INTS6: variants seen among roughly 807,000 people sequenced by gnomAD.
The protein encoded by INTS6 is integrator complex subunit 6, also known as DEAD box protein.
A neutral mutation model predicts 104.9 loss-of-function variants in INTS6; 16 were observed. That is an observed-to-expected ratio of 0.15 (90% CI 0.10 to 0.23). The LOEUF (loss-of-function observed/expected upper bound fraction) is 0.23. Ranked by LOEUF, INTS6 falls within the 10% of genes least tolerant of loss-of-function variation. The probability of loss-of-function intolerance (pLI) is 1.00; values close to 1 mark genes in which losing one functional copy is unlikely to be tolerated. For synonymous variants in INTS6, 324 were observed against 358.7 expected, an observed-to-expected ratio of 0.90 and a Z score of 1.09; for missense variants, 584 against 1,062.8, an observed-to-expected ratio of 0.55 and a Z score of 6.26.
chr13:51,450,719 G>A, intron 3 of INTS6: 1 of 1,024,314 alleles, frequency 9.8e-7, no homozygotes. Flanking sequence ...TGAGTGTGGT[G>A]TGGTAGGATG....
chr13:51,452,706 A>C lies in INTS6; in HGVS notation c.-181T>G. On this transcript the variant is annotated 5_prime_UTR_variant, in exon 1 of 18. Transcript: ENST00000311234. This position sits in a 1 kb window ranked among gnomAD's most constrained non-coding sequence, Gnocchi z 4.2. ...TTTCTCCCCCGATAGTTGAGAGGAA[A>C]CTCCCCAGACCCAGTGCTCCCCGTC... 1.6e-5 allele frequency: 21 copies of C among 1,322,108 alleles called. No homozygotes were observed. The highest frequency in any genetic ancestry group is 3.6e-5 in the East Asian group (1 of 27,958). 81.9% of individuals were successfully genotyped at this position (1,322,108 alleles called of 1,614,324 possible).
rs1955735051 is a variant in INTS6 at position 51,368,419 on chromosome 13, T to TGA, written c.2476+518_2476+519dup. Among the ~76,000 whole-genome samples the TGA allele has an allele frequency of 2.6e-5, 4 of 152,190 alleles. No homozygotes were observed. The East Asian group carries it at 7.7e-4, about 29-fold the overall frequency. On this transcript the variant is annotated intron_variant, in intron 16 of 17. Transcript: ENST00000311234. The stretch of plus-strand genomic sequence containing the variant: ...GGTCATTCTACTACCCCAGGGCAAG[T>TGA]GATCTGTTAACATCCTCTAAATGAA...
intron 17 of INTS6, among the ~76,000 whole-genome samples, chr13:51,366,116 C>T (rs546889543): frequency 6.6e-6 from 1 of 151,674 alleles, no homozygotes; most frequent in Non-Finnish European, 1.5e-5. Flanking sequence ...AAGGAAAAAA[C>T]AAACAAAAAA....
Position 51,355,289 on chromosome 13 carries a change from T to C in INTS6, n.431-953A>G, listed in dbSNP as rs139032125. On this transcript the variant is annotated intron_variant and non_coding_transcript_variant, in intron 3 of 3. Coordinates refer to the INTS6 transcript ENST00000476666. ...GTTTTATATAAGAATGTGTTGCTTC[T>C]AATAACAGTCAAATTTGGGTTAGAT... 400 of 576,960 alleles carry C rather than the reference T, an allele frequency of 6.9e-4. 2 individuals are homozygous for C. Among genetic ancestry groups the C allele is most frequent in the South Asian group, 2.0e-3 (87 of 42,902 alleles). The allele number at this position is 576,960 out of a possible 1,614,324, so 35.7% of individuals were successfully genotyped here.
the INTS6 span, among the ~76,000 whole-genome samples, chr13:51,336,697 T>C: frequency 0.012 from 1,794 of 152,258 alleles, 60 homozygotes; most frequent in East Asian, 0.069. Context: ...TCAGGCACCA[T>C]GATAAGGCTG....
intron 4 of INTS6, among the ~76,000 whole-genome samples, chr13:51,403,583 A>AAAAAAAAAAAG (rs61204660): frequency 0.44 from 46,054 of 104,986 alleles, 10,860 homozygotes; most frequent in East Asian, 0.51. Flanking sequence ...CTCCATTTCA[A>AAAAAAAAAAAG]AAAAAAAAAA....
At chr13:51,415,795 C>T (rs1956777449) in intron 4 of INTS6, among the ~76,000 whole-genome samples, 1 of 152,184 alleles carries the variant, frequency 6.6e-6, no homozygotes, top group Non-Finnish European at 1.5e-5. Context: ...AGGCCAAATA[C>T]ACACACTTCT....
intron 11 of INTS6, among the ~76,000 whole-genome samples, chr13:51,379,135 GT>G (rs201881459): frequency 0.012 from 1,851 of 148,478 alleles, 27 homozygotes; most frequent in East Asian, 0.072. Context: ...AACATAAAGA[GT>G]TTTTTTTTTC....
At position 51,364,705 on chromosome 13, in the gene INTS6, T is replaced by TC. The variant is rs1362226546; in HGVS notation, c.*1046_*1047insG. On this transcript the variant is annotated 3_prime_UTR_variant, in exon 18 of 18. Coordinates refer to ENST00000311234, the MANE Select transcript of INTS6 (RefSeq NM_012141.3). ...TAAAGGTGTTTCCTTTCCATTTAGC[T>TC]TATAAATAAAACAGAGTTTAAGTGT... 1 of 154,850 alleles carries TC rather than the reference T, an allele frequency of 6.5e-6. No individual in the cohort carries two copies. Among genetic ancestry groups the TC allele is most frequent in the Admixed American group, 6.5e-5 (1 of 15,294 alleles). 9.6% of individuals were successfully genotyped at this position (154,850 alleles called of 1,614,324 possible). A position where few individuals can be genotyped will look rare whatever the true frequency, so the allele number is the denominator to read the frequency against.
rs1445353960 is a variant in INTS6 at position 51,419,185 on chromosome 13, A to G, written c.429+11109T>C. On this transcript the variant is annotated intron_variant, in intron 4 of 17. Transcript: ENST00000311234. ...ACAATCATGTCCTCTTTTATGAGGA[A>G]GTGAAAACAGATGAGGTGCCAAAAA... Among the ~76,000 whole-genome samples, 3 of 152,312 alleles carry G rather than the reference A, an allele frequency of 2.0e-5. 1 individual carries two copies. In the South Asian group the frequency reaches 6.2e-4, roughly 32 times the overall value.
chr13:51,342,269 C>T, the INTS6 span, among the ~76,000 whole-genome samples: 12 of 152,148 alleles, frequency 7.9e-5, no homozygotes, highest in East Asian at 1.7e-3. Flanking sequence ...AGGGTCATCC[C>T]GGCCTACCCA....
Position 51,379,451 on chromosome 13 carries a change from C to T in INTS6, c.1386+11G>A, listed in dbSNP as rs763589883. On this transcript the variant is annotated intron_variant, in intron 11 of 17. Transcript: ENST00000311234. ...AAATACTTAATGGCTCACTCTATTT[C>T]TTGATATTACCTGTTGACTCAGTTT... The T allele has an allele frequency of 6.6e-7, 1 of 1,516,444 alleles. No homozygotes were observed. Among genetic ancestry groups the T allele is most frequent in the Non-Finnish European group, 9.1e-7 (1 of 1,104,454 alleles). The allele number at this position is 1,516,444 out of a possible 1,614,324, so 93.9% of individuals were successfully genotyped here. A position where few individuals can be genotyped will look rare whatever the true frequency, so the allele number is the denominator to read the frequency against.
chr13:51,422,222 C>T (rs1477054208), intron 4 of INTS6, among the ~76,000 whole-genome samples: 1 of 152,074 alleles, frequency 6.6e-6, no homozygotes, highest in Non-Finnish European at 1.5e-5. Context: ...TATTTTTTAT[C>T]ACCCACATCT....
intron 4 of INTS6, among the ~76,000 whole-genome samples, chr13:51,421,839 C>A (rs1956901454): frequency 6.6e-6 from 1 of 152,068 alleles, no homozygotes; most frequent in Non-Finnish European, 1.5e-5. Context: ...TTACTTGACA[C>A]CAGTACACAG....
At chr13:51,417,827 T>G (rs1956820350) in intron 4 of INTS6, among the ~76,000 whole-genome samples, 1 of 152,230 alleles carries the variant, frequency 6.6e-6, no homozygotes, top group Non-Finnish European at 1.5e-5. Flanking sequence ...AATGTATGTG[T>G]TTTGCTGCTA....
chr13:51,402,830 G>A (rs1246701985), intron 4 of INTS6: 2 of 152,130 alleles, frequency 1.3e-5, no homozygotes, highest in Non-Finnish European at 2.9e-5. Flanking sequence ...AGATTAGGCA[G>A]GTGACAGTTA....
At chr13:51,390,315 A>G (rs1949913634) in intron 5 of INTS6, among the ~76,000 whole-genome samples, 3 of 152,066 alleles carry the variant, frequency 2.0e-5, no homozygotes, top group South Asian at 2.1e-4. Flanking sequence ...AAAACATCTC[A>G]TTAGTAATTT....
chr13:51,355,612 T>A (rs1384920918), intron 3 of INTS6, among the ~76,000 whole-genome samples: 1 of 152,192 alleles, frequency 6.6e-6, no homozygotes, highest in African/African-American at 2.4e-5. Context: ...TTTCCTTTTT[T>A]CAAATTACCC....
chr13:51,403,442 C>T (rs554282246), intron 4 of INTS6, among the ~76,000 whole-genome samples: 5 of 151,746 alleles, frequency 3.3e-5, no homozygotes, highest in Admixed American at 6.6e-5. Flanking sequence ...ATTATCCGGG[C>T]GTGGTGGCAC....
Sources: gnomAD v4.1 joint callset for allele counts (sites outside exome capture counted in the v4.1 genomes callset) on GRCh38, gnomAD v4.1.1 for gene constraint, Gnocchi (gnomAD v3.1) non-coding constraint, MANE v1.5 for transcripts, NCBI Gene and HGNC (gene_info 2026-07-23, HGNC 2026-07-21) for gene names.